Variants in KCNQ3 observed in about 807,000 individuals in gnomAD.
The protein encoded by KCNQ3 is potassium voltage-gated channel subfamily KQT member 3.
In KCNQ3, 30 loss-of-function variants were observed where a neutral mutation model predicts 92.5. The observed-to-expected ratio is 0.32, with a 90% CI of 0.24 to 0.44. The LOEUF (loss-of-function observed/expected upper bound fraction) is 0.44. Ranked by LOEUF, KCNQ3 falls within the 20% of genes least tolerant of loss-of-function variation. The probability of loss-of-function intolerance (pLI) is 1.00; values close to 1 mark genes in which losing one functional copy is unlikely to be tolerated. For synonymous variants in KCNQ3, 450 were observed against 468.8 expected, an observed-to-expected ratio of 0.96 and a Z score of 0.52; for missense variants, 913 against 1,140.3, an observed-to-expected ratio of 0.80 and a Z score of 2.87.
At chr8:132,339,510 A>C (rs959318198) in intron 1 of KCNQ3, among the ~76,000 whole-genome samples, 18 of 152,166 alleles carry the variant, frequency 1.2e-4, no homozygotes, top group African/African-American at 3.9e-4. Context: ...ACATTTTATG[A>C]GTTTGGATCC....
rs536931520 is a variant in KCNQ3, at chr8:132,247,899, G to A, written c.387-61718C>T. Among the ~76,000 whole-genome samples, 3 of 152,164 alleles carry A rather than the reference G, an allele frequency of 2.0e-5. No homozygotes were observed. In the South Asian group the frequency reaches 6.2e-4, roughly 32 times the overall value. ...AACACTTACGTATCACTTACCAGGT[G>A]CCAAGCACTGTTTTAAGCACTTGAC... On this transcript the variant is annotated intron_variant, in intron 1 of 14. Transcript: ENST00000388996.
At chr8:132,333,970 T>A (rs914228711) in intron 1 of KCNQ3, among the ~76,000 whole-genome samples, 2 of 151,766 alleles carry the variant, frequency 1.3e-5, no homozygotes, top group African/African-American at 2.4e-5. Flanking sequence ...TGACCTCAAG[T>A]GACCCTCCCG....
intron 1 of KCNQ3, among the ~76,000 whole-genome samples, chr8:132,390,426 G>A (rs1161032972): frequency 1.3e-5 from 2 of 152,162 alleles, no homozygotes; most frequent in Non-Finnish European, 2.9e-5. Flanking sequence ...GCTGTACATT[G>A]TGTTACGCTT....
chr8:132,475,507 C>T (rs1002127149), intron 1 of KCNQ3, among the ~76,000 whole-genome samples: 1 of 152,174 alleles, frequency 6.6e-6, no homozygotes, highest in Admixed American at 6.5e-5. Flanking sequence ...TTATGGTATG[C>T]TCTGTCAGAG....
chr8:132,130,361 A>T (rs1824842180), intron 14 of KCNQ3, among the ~76,000 whole-genome samples: 1 of 152,038 alleles, frequency 6.6e-6, no homozygotes, highest in Admixed American at 6.6e-5. Context: ...ACAGGCATGA[A>T]CCACCGCGCC....
intron 1 of KCNQ3, among the ~76,000 whole-genome samples, chr8:132,425,369 A>G (rs749185452): frequency 6.6e-6 from 1 of 152,236 alleles, no homozygotes; most frequent in Non-Finnish European, 1.5e-5. Flanking sequence ...GTGCCTTGAG[A>G]CAAGTAAATT....
At chr8:132,295,906 A>G (rs1234337030) in intron 1 of KCNQ3, among the ~76,000 whole-genome samples, 1 of 151,712 alleles carries the variant, frequency 6.6e-6, no homozygotes, top group Non-Finnish European at 1.5e-5. Flanking sequence ...GGAGAGCATC[A>G]GGATAAATAG....
rs533417179 is a variant in KCNQ3, at chr8:132,416,228, C to T, written c.386+63919G>A. 5.9e-5 allele frequency among the ~76,000 whole-genome samples: 9 copies of T among 152,328 alleles called. No individual in the cohort carries two copies. In the South Asian group the frequency reaches 8.3e-4, roughly 14 times the overall value. On this transcript the variant is annotated intron_variant, in intron 1 of 14. Coordinates refer to ENST00000388996, the MANE Select transcript of KCNQ3 (RefSeq NM_004519.4). ...GTTCTATAAATATTCATTGCTAAGACGGTATTTCTCTAAACACCATCTCTC... is the reference window on the plus strand; with the variant it reads ...GTTCTATAAATATTCATTGCTAAGATGGTATTTCTCTAAACACCATCTCTC...
At chr8:132,422,700 A>G (rs1423624436) in intron 1 of KCNQ3, among the ~76,000 whole-genome samples, 1 of 152,170 alleles carries the variant, frequency 6.6e-6, no homozygotes, top group Non-Finnish European at 1.5e-5. Context: ...ACGACTCTCC[A>G]TATAACTAAG....
At chr8:132,368,858 C>T (rs1819394750) in intron 1 of KCNQ3, among the ~76,000 whole-genome samples, 1 of 152,118 alleles carries the variant, frequency 6.6e-6, no homozygotes, top group Admixed American at 6.5e-5. Flanking sequence ...TACATTTGCA[C>T]AGCTGTATTA....
At position 132,141,276 on chromosome 8, in the gene KCNQ3, T is replaced by C. The variant is rs1825288211; in HGVS notation, c.1318A>G (p.Thr440Ala). 6.2e-7 allele frequency: 1 copy of C among 1,614,070 alleles called. No homozygotes were observed. Among genetic ancestry groups the C allele is most frequent in the Non-Finnish European group, 8.5e-7 (1 of 1,180,026 alleles). The change falls in exon 10 of 15, where the codon ACT (threonine) becomes GCT (alanine). Residue 440 changes from threonine (T) to alanine (A), a missense_variant. Physicochemically the swap from Thr to Ala is moderately conservative, Grantham distance 58. This residue lies in a region of KCNQ3 where 182 missense variants were observed against 234.5 expected (regional missense o/e 0.78). Coordinates refer to ENST00000388996, the MANE Select transcript of KCNQ3 (RefSeq NM_004519.4). ...VRLSNPRGSN[T>A]KGKLFTPLNV... ...AGAGGGGTAAATAGCTTTCCTTTAG[T>C]ATTGCTACCACGAGGATTAGAAAGG... is the stretch of plus-strand genomic sequence containing the variant.
At chr8:132,255,443 T>TA (rs1387219032) in intron 1 of KCNQ3, among the ~76,000 whole-genome samples, 1 of 152,122 alleles carries the variant, frequency 6.6e-6, no homozygotes, top group African/African-American at 2.4e-5. Context: ...GCAAAAAACT[T>TA]AAAAGGAAAA....
intron 1 of KCNQ3, among the ~76,000 whole-genome samples, chr8:132,198,838 G>A (rs1827379115): frequency 6.6e-6 from 1 of 152,042 alleles, no homozygotes; most frequent in African/African-American, 2.4e-5. Flanking sequence ...CAGGAGTAAC[G>A]AATTAAGGTA....
At chr8:132,422,501 A>G (rs1820998176) in intron 1 of KCNQ3, among the ~76,000 whole-genome samples, 2 of 152,034 alleles carry the variant, frequency 1.3e-5, no homozygotes, top group Non-Finnish European at 2.9e-5. Context: ...TGTTCTCCCA[A>G]CTGTGCATCA....
At chr8:132,216,251 AACTCTG>A (rs1814025699) in intron 1 of KCNQ3, among the ~76,000 whole-genome samples, 1 of 152,194 alleles carries the variant, frequency 6.6e-6, no homozygotes, top group Admixed American at 6.5e-5. Flanking sequence ...AACAAAACAC[AACTCTG>A]AAGTAGCCCA....
intron 9 of KCNQ3, among the ~76,000 whole-genome samples, chr8:132,160,373 TA>T (rs148047918): frequency 0.029 from 4,432 of 152,244 alleles, 212 homozygotes; most frequent in African/African-American, 0.1. Context: ...GTAAGTTATG[TA>T]AATGCTTGAG....
At position 132,349,680 on chromosome 8, in the gene KCNQ3, C is replaced by A. The variant is rs75025461; in HGVS notation, c.386+130467G>T. 7.6e-3 allele frequency among the ~76,000 whole-genome samples: 1,160 copies of A among 152,360 alleles called. 13 individuals carry two copies. Among genetic ancestry groups the A allele is most frequent in the African/African-American group, 0.026 (1,095 of 41,588 alleles). On this transcript the variant is annotated intron_variant, in intron 1 of 14. Transcript: ENST00000388996. ...ATGGAACAGATTCAGCCCAGGAGAC[C>A]TGCAGAGCAGACCTGCAGGTAGAAG...
chr8:132,473,992 G>A lies in KCNQ3; in HGVS notation c.386+6155C>T, dbSNP rs186130392. Reference sequence around the variant, plus strand: ...AGAATGCAGTCAGTGGGTATTTCTTGTGATCATTTTCCCTTGGTTTGTCAA... The same window carrying A: ...AGAATGCAGTCAGTGGGTATTTCTTATGATCATTTTCCCTTGGTTTGTCAA... On this transcript the variant is annotated intron_variant, in intron 1 of 14. Coordinates refer to ENST00000388996, the MANE Select transcript of KCNQ3 (RefSeq NM_004519.4). 1.0e-3 allele frequency among the ~76,000 whole-genome samples: 155 copies of A among 152,288 alleles called. 1 individual carries two copies. The highest frequency in any genetic ancestry group is 3.7e-3 in the African/African-American group (152 of 41,556).
intron 1 of KCNQ3, among the ~76,000 whole-genome samples, chr8:132,207,937 A>G (rs1813719304): frequency 6.6e-6 from 1 of 151,764 alleles, no homozygotes; most frequent in East Asian, 1.9e-4. Flanking sequence ...AAAAAAAAAA[A>G]AAAAAGAACG....
Sources: allele counts gnomAD v4.1 joint callset (sites outside exome capture counted in the v4.1 genomes callset), GRCh38; gene constraint gnomAD v4.1.1; regional missense constraint gnomAD v4.1.1; transcripts MANE v1.5; gene names NCBI Gene and HGNC (gene_info 2026-07-23, HGNC 2026-07-21).